PTPRT: variants seen among roughly 807,000 people sequenced by gnomAD.
PTPRT encodes protein tyrosine phosphatase receptor type T.
PTPRT carries 56 observed loss-of-function variants against 176.8 expected under a neutral mutation model. That is an observed-to-expected ratio of 0.32 (90% CI 0.26 to 0.40). The LOEUF (loss-of-function observed/expected upper bound fraction) is 0.40, where lower values mean the gene tolerates loss of function less well. Ranked by LOEUF, PTPRT falls within the 10% of genes least tolerant of loss-of-function variation. PTPRT has a pLI of 1.00. For missense variants in PTPRT, 1,540 were observed against 1,908.2 expected, an observed-to-expected ratio of 0.81 and a Z score of 3.60; for synonymous variants, 783 against 739.0, an observed-to-expected ratio of 1.06 and a Z score of -0.96.
intron 2 of PTPRT, among the ~76,000 whole-genome samples, chr20:42,801,564 G>A (rs986162447): frequency 6.6e-5 from 10 of 152,128 alleles, no homozygotes; most frequent in African/African-American, 2.4e-4. Flanking sequence ...CTGACACTAG[G>A]GGAACAGCAG....
chr20:42,129,269 T>C (rs1035922687), intron 18 of PTPRT, among the ~76,000 whole-genome samples: 1 of 152,248 alleles, frequency 6.6e-6, no homozygotes, highest in African/African-American at 2.4e-5. Flanking sequence ...AAATTGCTTT[T>C]CATTTGCCCC....
At chr20:43,077,782 AT>A (rs1326568418) in intron 1 of PTPRT, among the ~76,000 whole-genome samples, 1 of 152,142 alleles carries the variant, frequency 6.6e-6, no homozygotes, top group Admixed American at 6.5e-5. Flanking sequence ...CACCATTCTA[AT>A]CCCTGCTGGC....
At chr20:42,756,735 G>C in intron 5 of PTPRT, 99 bp from the exon 6 acceptor site, 1 of 1,068,062 alleles carries the variant, frequency 9.4e-7, no homozygotes, top group Non-Finnish European at 1.3e-6. Context: ...CACCCCTGGG[G>C]CTCAAGACTT....
intron 8 of PTPRT, among the ~76,000 whole-genome samples, chr20:42,458,393 G>A (rs1033375130): frequency 7.9e-5 from 12 of 152,038 alleles, no homozygotes; most frequent in African/African-American, 2.9e-4. Flanking sequence ...TATTACCTTG[G>A]CCAAGCTGCT....
At chr20:42,649,891 T>G (rs2074997813) in intron 7 of PTPRT, among the ~76,000 whole-genome samples, 1 of 152,152 alleles carries the variant, frequency 6.6e-6, no homozygotes, top group Non-Finnish European at 1.5e-5. Flanking sequence ...CAAGGCTTAC[T>G]TGCCTCAGGT....
intron 1 of PTPRT, among the ~76,000 whole-genome samples, chr20:42,942,738 C>A (rs1205225225): frequency 6.6e-6 from 1 of 152,170 alleles, no homozygotes; most frequent in Admixed American, 6.5e-5. Flanking sequence ...CCAACTCTTC[C>A]AAGCCTCAAT....
intron 18 of PTPRT, among the ~76,000 whole-genome samples, chr20:42,140,065 C>G (rs139945602): frequency 6.6e-6 from 1 of 152,242 alleles, no homozygotes. Context: ...GCACAGGAAA[C>G]AGCTAAGCTA....
intron 12 of PTPRT, among the ~76,000 whole-genome samples, chr20:42,296,182 T>C (rs1282529541): frequency 6.6e-6 from 1 of 152,208 alleles, no homozygotes; most frequent in African/African-American, 2.4e-5. Context: ...GTGCCCTGGC[T>C]TACGCCTGTA....
At chr20:42,282,729 A>G (rs576123128) in intron 12 of PTPRT, among the ~76,000 whole-genome samples, 1 of 152,082 alleles carries the variant, frequency 6.6e-6, no homozygotes, top group East Asian at 1.9e-4. Context: ...GGCTAGGTAC[A>G]TATGTTATTC....
intron 13 of PTPRT, among the ~76,000 whole-genome samples, chr20:42,276,150 C>G (rs2057025596): frequency 6.6e-6 from 1 of 151,988 alleles, no homozygotes; most frequent in Non-Finnish European, 1.5e-5. Context: ...GAAGAAAGGA[C>G]AGTGTCATAG....
At chr20:42,700,263 C>G (rs1186119776) in intron 6 of PTPRT, among the ~76,000 whole-genome samples, 1 of 152,120 alleles carries the variant, frequency 6.6e-6, no homozygotes, top group African/African-American at 2.4e-5. Context: ...CGCCTGAGCT[C>G]TGTGTGATGC....
At chr20:42,727,179 G>A (rs576693697) in intron 6 of PTPRT, among the ~76,000 whole-genome samples, 48 of 152,270 alleles carry the variant, frequency 3.2e-4, no homozygotes, top group Admixed American at 1.4e-3. Flanking sequence ...TCTCCTGACT[G>A]CTCTTCTCAT....
intron 6 of PTPRT, among the ~76,000 whole-genome samples, chr20:42,714,007 G>T (rs2076185891): frequency 6.6e-6 from 1 of 152,140 alleles, no homozygotes; most frequent in Non-Finnish European, 1.5e-5. Flanking sequence ...TCCAGTCTCA[G>T]GTATTTCTTT....
At chr20:42,408,057 T>C (rs2058978267) in intron 9 of PTPRT, among the ~76,000 whole-genome samples, 1 of 152,256 alleles carries the variant, frequency 6.6e-6, no homozygotes, top group African/African-American at 2.4e-5. Flanking sequence ...AAACTCAATA[T>C]TATAAATGTC....
At chr20:42,230,230 TG>T (rs1331315031) in intron 15 of PTPRT, among the ~76,000 whole-genome samples, 5 of 152,194 alleles carry the variant, frequency 3.3e-5, no homozygotes, top group Non-Finnish European at 7.3e-5. Flanking sequence ...GGAGTATCTG[TG>T]GACAGAAACC....
intron 1 of PTPRT, among the ~76,000 whole-genome samples, chr20:43,065,620 G>T (rs907752947): frequency 6.6e-6 from 1 of 152,184 alleles, no homozygotes; most frequent in African/African-American, 2.4e-5. Flanking sequence ...ATGCAAAGGA[G>T]ATCTGCTACC....
intron 2 of PTPRT, among the ~76,000 whole-genome samples, chr20:42,815,798 A>G (rs2077773440): frequency 6.6e-6 from 1 of 152,194 alleles, no homozygotes. Flanking sequence ...AAATGTCACC[A>G]TAACTTCAAA....
intron 13 of PTPRT, among the ~76,000 whole-genome samples, chr20:42,265,233 T>C (rs1159498378): frequency 6.6e-6 from 1 of 152,078 alleles, no homozygotes; most frequent in Non-Finnish European, 1.5e-5. Flanking sequence ...TCAGAATGGG[T>C]GTTCTCTAAT....
At chr20:42,290,055 T>C (rs988219719) in intron 12 of PTPRT, among the ~76,000 whole-genome samples, 1 of 152,068 alleles carries the variant, frequency 6.6e-6, no homozygotes, top group Non-Finnish European at 1.5e-5. Context: ...ATATTCTGGA[T>C]ACTCTGATAT....
Sources: gnomAD v4.1 joint callset for allele counts (sites outside exome capture counted in the v4.1 genomes callset) on GRCh38, gnomAD v4.1.1 for gene constraint, MANE v1.5 for transcripts, NCBI Gene and HGNC (gene_info 2026-07-23, HGNC 2026-07-21) for gene names.